NEDD4L: variants seen among roughly 807,000 people sequenced by gnomAD.
NEDD4L encodes NEDD4 like E3 ubiquitin protein ligase, also known as E3 ubiquitin-protein ligase NEDD4-like.
A neutral mutation model predicts 148.9 loss-of-function variants in NEDD4L; 54 were observed. The observed-to-expected ratio is 0.36, with a 90% confidence interval of 0.29 to 0.45. NEDD4L has a LOEUF of 0.45. Ranked by LOEUF, NEDD4L falls within the 20% of genes least tolerant of loss-of-function variation. NEDD4L has a pLI of 1.00. For missense variants in NEDD4L, 856 were observed against 1,233.8 expected (o/e 0.69, Z 4.59); for synonymous variants, 433 against 440.7 (o/e 0.98, Z 0.22).
intron 2 of NEDD4L, among the ~76,000 whole-genome samples, chr18:58,169,084 C>T (rs1277550386): frequency 6.6e-6 from 1 of 152,214 alleles, no homozygotes; most frequent in African/African-American, 2.4e-5. Context: ...TGTGGGGCCT[C>T]TCTCCTAGCT....
At chr18:58,365,714 G>T (rs901633977) in intron 20 of NEDD4L, among the ~76,000 whole-genome samples, 1 of 152,164 alleles carries the variant, frequency 6.6e-6, no homozygotes, top group Non-Finnish European at 1.5e-5. Context: ...CTGGAGAAGT[G>T]CCCACAGTTG....
intron 1 of NEDD4L, among the ~76,000 whole-genome samples, chr18:58,108,382 T>G (rs1286677176): frequency 6.6e-6 from 1 of 152,190 alleles, no homozygotes; most frequent in African/African-American, 2.4e-5. Flanking sequence ...TTAAACTTCT[T>G]AAGTATACCT....
intron 2 of NEDD4L, among the ~76,000 whole-genome samples, chr18:58,185,090 C>T (rs571393956): frequency 2.6e-5 from 4 of 152,308 alleles, no homozygotes; most frequent in African/African-American, 9.6e-5. Flanking sequence ...GCTCTCAAGG[C>T]ACTGTACTTG....
At position 58,076,236 on chromosome 18, in the gene NEDD4L, C is replaced by T. The variant is rs117878789; in HGVS notation, c.48+31528C>T. ...ATTTTGGGATTAAGCCAGACTGTAG[C>T]AGGATGTTAGTAATTTGAGTTGCAT... On this transcript the variant is annotated intron_variant, in intron 1 of 30. Transcript: ENST00000400345. Among the ~76,000 whole-genome samples, 1,296 of 152,256 alleles carry T rather than the reference C, an allele frequency of 8.5e-3. 5 individuals carry two copies. The highest frequency in any genetic ancestry group is 0.014 in the Non-Finnish European group (983 of 68,028).
intron 1 of NEDD4L, among the ~76,000 whole-genome samples, chr18:58,109,046 A>G (rs2085251039): frequency 6.6e-6 from 1 of 152,250 alleles, no homozygotes; most frequent in Non-Finnish European, 1.5e-5. Flanking sequence ...GGGACTTCTT[A>G]AAATATTTTT....
intron 20 of NEDD4L, among the ~76,000 whole-genome samples, chr18:58,364,694 G>A (rs887361357): frequency 5.9e-5 from 9 of 152,048 alleles, no homozygotes; most frequent in East Asian, 3.8e-4. Flanking sequence ...CCTGGATCCC[G>A]GTAAGAAAAA....
At chr18:58,243,035 C>T (rs1480266759) in intron 2 of NEDD4L, among the ~76,000 whole-genome samples, 1 of 152,200 alleles carries the variant, frequency 6.6e-6, no homozygotes, top group Non-Finnish European at 1.5e-5. Context: ...AAGTATCCCA[C>T]CCACAGTCCC....
chr18:58,192,737 C>T (rs1393104329), intron 2 of NEDD4L, among the ~76,000 whole-genome samples: 3 of 152,148 alleles, frequency 2.0e-5, no homozygotes, highest in African/African-American at 4.8e-5. Flanking sequence ...CTATTTATGT[C>T]GAAAGGCACT....
At chr18:58,359,565 T>G (rs1341286097) in intron 19 of NEDD4L, among the ~76,000 whole-genome samples, 1 of 152,262 alleles carries the variant, frequency 6.6e-6, no homozygotes, top group Non-Finnish European at 1.5e-5. Flanking sequence ...TTCTCCCTAC[T>G]GTCCATACTG....
intron 1 of NEDD4L, among the ~76,000 whole-genome samples, chr18:58,096,725 G>C (rs2084434677): frequency 6.6e-6 from 1 of 152,044 alleles, no homozygotes; most frequent in Non-Finnish European, 1.5e-5. Flanking sequence ...TATGTTGTGA[G>C]TTTTGTTTTT....
intron 1 of NEDD4L, among the ~76,000 whole-genome samples, chr18:58,075,303 A>C (rs1416297660): frequency 6.6e-6 from 1 of 152,090 alleles, no homozygotes; most frequent in Non-Finnish European, 1.5e-5. Flanking sequence ...GGCGCACACC[A>C]CCATGCCCGA....
At chr18:58,169,503 C>T (rs1319273768) in intron 2 of NEDD4L, among the ~76,000 whole-genome samples, 1 of 150,738 alleles carries the variant, frequency 6.6e-6, no homozygotes, top group Non-Finnish European at 1.5e-5. Flanking sequence ...TTATCCATAT[C>T]ATGGGGAAAA....
chr18:58,284,902 G>A (rs1433004590), intron 5 of NEDD4L, among the ~76,000 whole-genome samples: 3 of 152,156 alleles, frequency 2.0e-5, no homozygotes, highest in African/African-American at 7.2e-5. Flanking sequence ...AGGCAGTGGT[G>A]CACATGGGCC....
At chr18:58,381,127 A>G (rs1041235739) in intron 24 of NEDD4L, among the ~76,000 whole-genome samples, 1 of 152,168 alleles carries the variant, frequency 6.6e-6, no homozygotes, top group African/African-American at 2.4e-5. Context: ...ATTTTTTTCC[A>G]TTGCTATAAA....
intron 5 of NEDD4L, among the ~76,000 whole-genome samples, chr18:58,258,357 C>T (rs773011172): frequency 2.0e-5 from 3 of 152,122 alleles, no homozygotes; most frequent in Non-Finnish European, 4.4e-5. Flanking sequence ...TGAAGATTGA[C>T]AAAAATATAT....
At chr18:58,278,605 A>G (rs765570462) in intron 5 of NEDD4L, among the ~76,000 whole-genome samples, 4 of 152,068 alleles carry the variant, frequency 2.6e-5, no homozygotes, top group Non-Finnish European at 4.4e-5. Context: ...CAAACACTCC[A>G]TGACACTGGG....
chr18:58,353,342 TA>T (rs2044165520), intron 18 of NEDD4L, among the ~76,000 whole-genome samples: 1 of 152,266 alleles, frequency 6.6e-6, no homozygotes, highest in African/African-American at 2.4e-5. Context: ...TTGATGCAAC[TA>T]AGCTGTGCCA....
chr18:58,370,495 C>T, intron 23 of NEDD4L, 28 bp downstream of exon 23: 1 of 1,435,208 alleles, frequency 7.0e-7, no homozygotes, highest in Non-Finnish European at 9.8e-7. Context: ...ACACACTGGC[C>T]ATCACCGGGC....
chr18:58,206,631 G>C (rs1787770), intron 2 of NEDD4L, among the ~76,000 whole-genome samples: 2 of 152,172 alleles, frequency 1.3e-5, no homozygotes, highest in Non-Finnish European at 2.9e-5. Context: ...CGTATGCATA[G>C]AGATCTGGCA....
Sources: allele counts gnomAD v4.1 joint callset (sites outside exome capture counted in the v4.1 genomes callset), GRCh38; gene constraint gnomAD v4.1.1; transcripts MANE v1.5; gene names NCBI Gene and HGNC (gene_info 2026-07-23, HGNC 2026-07-21).